The following ERVFRD-1 variants were observed in gnomAD, a reference collection of about 807,000 sequenced individuals.
ERVFRD-1 encodes the protein syncytin-2.
Under a neutral mutation model 43.8 loss-of-function variants are expected in ERVFRD-1, and 33 were observed. The observed-to-expected ratio is 0.75, with a 90% CI of 0.57 to 1.01. The LOEUF is 1.01. Among genes scored for constraint, ERVFRD-1 ranks in the 50% least tolerant of loss-of-function variants. The pLI is 0.00. For synonymous variants in ERVFRD-1, 239 were observed against 244.4 expected (o/e 0.98, Z 0.21); for missense variants, 568 against 658.4 (o/e 0.86, Z 1.50).
At chr6:11,109,090 A>G (rs1245782546) in intron 1 of ERVFRD-1, among the ~76,000 whole-genome samples, 1 of 152,170 alleles carries the variant, frequency 6.6e-6, no homozygotes, top group African/African-American at 2.4e-5. Context: ...CCCACAGGGT[A>G]GCCACCAGTG....
At position 11,103,702 on chromosome 6, in the gene ERVFRD-1, G is replaced by C. The variant is rs1758033668; in HGVS notation, c.1609C>G (p.Pro537Ala). ...CAGTCTAGGGGTCCTCCTTAGAAGG[G>C]TGACTCTTGAATATTGCGAGGATGG... ...GRHPRNIQES[P>A]F The change falls in exon 2 of 2, where the codon CCC becomes GCC. Residue 537 changes from proline (P) to alanine (A), a missense_variant. By Grantham distance (27) the Pro-to-Ala change is conservative. Coordinates refer to ENST00000472091, the MANE Select transcript of ERVFRD-1 (RefSeq NM_207582.3). 1 of 1,550,334 alleles carries C rather than the reference G, an allele frequency of 6.5e-7. No homozygotes were observed. The highest frequency in any genetic ancestry group is 1.2e-5 in the South Asian group (1 of 83,900).
At position 11,106,188 on chromosome 6, in the gene ERVFRD-1, G is replaced by A. The variant is rs112138170; in HGVS notation, c.-320-558C>T. Reference sequence around the variant, plus strand: ...TGAACTGAGGAATGAGTTCCTTTAGGAGGAATTTAGCTACCTCCTGTGCCT... The same window carrying A: ...TGAACTGAGGAATGAGTTCCTTTAGAAGGAATTTAGCTACCTCCTGTGCCT... On this transcript the variant is annotated intron_variant, in intron 1 of 1. Coordinates refer to ENST00000472091, the MANE Select transcript of ERVFRD-1 (RefSeq NM_207582.3). 5.2e-3 allele frequency among the ~76,000 whole-genome samples: 790 copies of A among 152,290 alleles called. 9 individuals carry two copies. Among genetic ancestry groups the A allele is most frequent in the African/African-American group, 0.018 (754 of 41,556 alleles).
Position 11,104,887 on chromosome 6 carries a change from T to G in ERVFRD-1, c.424A>C (p.Ser142Arg). 1 of 1,614,252 alleles carries G rather than the reference T, an allele frequency of 6.2e-7. No individual in the cohort carries two copies. Among genetic ancestry groups the G allele is most frequent in the Non-Finnish European group, 8.5e-7 (1 of 1,180,050 alleles). ...GTGAAAGTAACATTACAGACTGTAC[T>G]TGGAAGAGTGCCTACATTTGTTCCA... ...KNGTNVGTLP[S>R]TVCNVTFTVD... is the part of the protein sequence containing the mutation. Residue 142 changes from serine to arginine, a missense_variant, in exon 2 of 2, where the codon AGT (serine) becomes CGT (arginine). By Grantham distance (110) the Ser-to-Arg change is moderately radical. Transcript: ENST00000472091.
chr6:11,109,622 C>T (rs886584504), intron 1 of ERVFRD-1, among the ~76,000 whole-genome samples: 4 of 152,184 alleles, frequency 2.6e-5, no homozygotes, highest in Admixed American at 2.6e-4. Context: ...TCCATTTTCC[C>T]TGGTGGTAGC....
intron 1 of ERVFRD-1, among the ~76,000 whole-genome samples, chr6:11,108,223 C>T (rs1758115701): frequency 6.6e-6 from 1 of 152,212 alleles, no homozygotes; most frequent in South Asian, 2.1e-4. Flanking sequence ...CACTTCATAT[C>T]CTCCCAGGAG....
Position 11,103,788 on chromosome 6 carries a change from G to A in ERVFRD-1, c.1523C>T (p.Thr508Ile). ...CTGAAGGCGAGAGGAGACAAATTGGGTTATTAGATTTAGGAGACATGGACC... is the reference window on the plus strand; with the variant it reads ...CTGAAGGCGAGAGGAGACAAATTGGATTATTAGATTTAGGAGACATGGACC... ...LFGPCLLNLITQFVSSRLQAI... is the reference protein window; with the variant it reads ...LFGPCLLNLIIQFVSSRLQAI... Residue 508 changes from threonine (T) to isoleucine (I), a missense_variant, in exon 2 of 2, where the codon ACC (threonine) becomes ATC (isoleucine). Coordinates refer to ENST00000472091, the MANE Select transcript of ERVFRD-1 (RefSeq NM_207582.3). 2.6e-6 allele frequency: 4 copies of A among 1,551,676 alleles called. No homozygotes were observed. The highest frequency in any genetic ancestry group is 3.9e-5 in the Admixed American group (2 of 51,000).
At chr6:11,110,030 C>G (rs560771548) in intron 1 of ERVFRD-1, among the ~76,000 whole-genome samples, 2 of 152,168 alleles carry the variant, frequency 1.3e-5, no homozygotes, top group Non-Finnish European at 2.9e-5. Context: ...TTACCAGGTA[C>G]CCCTAACCTT....
In ERVFRD-1 at chr6:11,103,944, A is replaced by T; in HGVS notation, c.1367T>A (p.Leu456Gln). 1.3e-6 allele frequency: 2 copies of T among 1,551,696 alleles called. No individual in the cohort carries two copies. The highest frequency in any genetic ancestry group is 1.7e-6 in the Non-Finnish European group (2 of 1,146,992). The change falls in exon 2 of 2, where the codon CTA (leucine) becomes CAA (glutamine). Residue 456 changes from leucine (L) to glutamine (Q), a missense_variant. Coordinates refer to ENST00000472091, the MANE Select transcript of ERVFRD-1 (RefSeq NM_207582.3). ...GKVQDNIRQL[L>Q]NQASSLRERA... ...TTCCCGTAAACTGGAGGCTTGATTT[A>T]GGAGTTGTCTGATGTTGTCTTGTAC...
intron 1 of ERVFRD-1, among the ~76,000 whole-genome samples, chr6:11,106,878 T>C (rs1473469321): frequency 6.6e-6 from 1 of 152,226 alleles, no homozygotes; most frequent in African/African-American, 2.4e-5. Context: ...CTGGAGCTGT[T>C]AGGTACACCC....
At position 11,104,957 on chromosome 6, in the gene ERVFRD-1, G is replaced by A. The variant is rs1758061523; in HGVS notation, c.354C>T (p.Asn118=). ...CACAAATAGGGGCTATTCCCATTAG[G>A]TTGATATTAGTAAAGATGGGTCCGA... ...PIFGPIFTNI[N]LMGIAPICVM... The change falls in exon 2 of 2, where the codon AAC becomes AAT. Residue 118 remains asparagine (N), a synonymous_variant. Transcript: ENST00000472091. 1.9e-6 allele frequency: 3 copies of A among 1,614,052 alleles called. No homozygotes were observed. Among genetic ancestry groups the A allele is most frequent in the Non-Finnish European group, 1.7e-6 (2 of 1,180,036 alleles).
intron 1 of ERVFRD-1, among the ~76,000 whole-genome samples, chr6:11,106,492 G>C (rs1217425349): frequency 6.6e-6 from 1 of 152,254 alleles, no homozygotes; most frequent in African/African-American, 2.4e-5. Context: ...GCCTTAGACT[G>C]TCTCTTCTAA....
Position 11,103,265 on chromosome 6 carries a change from T to C in ERVFRD-1, c.*429A>G, listed in dbSNP as rs745368811. ...TGAGATCTTATCAGGAAGTGGCTGA[T>C]CACCAGCTTCAGGTGTTTCCTATCT... On this transcript the variant is annotated 3_prime_UTR_variant, in exon 2 of 2. Coordinates refer to ENST00000472091, the MANE Select transcript of ERVFRD-1 (RefSeq NM_207582.3). 1 of 166,910 alleles carries C rather than the reference T, an allele frequency of 6.0e-6. No homozygotes were observed. 10.3% of individuals were successfully genotyped at this position (166,910 alleles called of 1,614,324 possible).
rs1219467691 is a variant in ERVFRD-1, at chr6:11,104,181, G to A, written c.1130C>T (p.Ala377Val). The change falls in exon 2 of 2, where the codon GCT becomes GTT. Residue 377 changes from alanine (A) to valine (V), a missense_variant. Transcript: ENST00000472091. Reference protein sequence around the residue: ...TGTGIAGITKASLTYSQLSKE... With the variant: ...TGTGIAGITKVSLTYSQLSKE... ...TGAGAGCTGGCTATAGGTGAGGGAA[G>A]CTTTTGTGATTCCAGCAATTCCGGT... is the stretch of plus-strand genomic sequence containing the variant. 1.3e-6 allele frequency: 2 copies of A among 1,551,728 alleles called. No individual in the cohort carries two copies. Among genetic ancestry groups the A allele is most frequent in the Admixed American group, 2.0e-5 (1 of 51,006 alleles).
At position 11,104,861 on chromosome 6, in the gene ERVFRD-1, A is replaced by G. The variant is rs144698959; in HGVS notation, c.450T>C (p.Thr150=). ...LPSTVCNVTF[T]VDSNQQTYQT... is the part of the protein sequence containing the mutation. The stretch of plus-strand genomic sequence containing the variant: ...GGTAAGTCTGTTGGTTAGAATCTAC[A>G]GTGAAAGTAACATTACAGACTGTAC... Residue 150 remains threonine (T), a synonymous_variant, in exon 2 of 2, where the codon ACT becomes ACC. Coordinates refer to ENST00000472091, the MANE Select transcript of ERVFRD-1 (RefSeq NM_207582.3). The G allele has an allele frequency of 1.2e-6, 2 of 1,614,124 alleles. No individual in the cohort carries two copies. The highest frequency in any genetic ancestry group is 8.5e-7 in the Non-Finnish European group (1 of 1,180,056).
Position 11,105,341 on chromosome 6 carries a change from A to G in ERVFRD-1, c.-31T>C, listed in dbSNP as rs767094598. On this transcript the variant is annotated 5_prime_UTR_variant, in exon 2 of 2. Transcript: ENST00000472091. ...CCTAAGAGAAACTGGTCACAAAACG[A>G]GCTGCCAATGGAACTCCTGGTGGTG... The G allele has an allele frequency of 1.9e-6, 3 of 1,542,616 alleles. No homozygotes were observed. Among genetic ancestry groups the G allele is most frequent in the Non-Finnish European group, 2.7e-6 (3 of 1,127,110 alleles).
Position 11,105,213 on chromosome 6 carries a change from T to C in ERVFRD-1, c.98A>G (p.Gln33Arg), listed in dbSNP as rs923990052. Residue 33 changes from glutamine (Q) to arginine (R), a missense_variant, in exon 2 of 2, where the codon CAA becomes CGA. Gln to Arg is a conservative substitution (Grantham distance 43). Transcript: ENST00000472091. Reference protein sequence around the residue: ...PLLEKAQQLLQSTGSPYSTNC... With the variant: ...PLLEKAQQLLRSTGSPYSTNC... ...GGTGGAGTAAGGGGATCCTGTACTT[T>C]GGAGCAGTTGCTGAGCTTTTTCCAA... 5.0e-6 allele frequency: 8 copies of C among 1,614,066 alleles called. No individual in the cohort carries two copies. Among genetic ancestry groups the C allele is most frequent in the South Asian group, 2.2e-5 (2 of 91,088 alleles).
At chr6:11,110,902 A>G (rs982624875) in intron 1 of ERVFRD-1, among the ~76,000 whole-genome samples, 2 of 152,210 alleles carry the variant, frequency 1.3e-5, no homozygotes, top group African/African-American at 4.8e-5. Flanking sequence ...CTTAAGGGCT[A>G]CAGAGTGAGG....
chr6:11,108,812 GA>G (rs1758126792), intron 1 of ERVFRD-1, among the ~76,000 whole-genome samples: 2 of 152,298 alleles, frequency 1.3e-5, no homozygotes, highest in African/African-American at 4.8e-5. Flanking sequence ...TTGAGTTAGG[GA>G]AATGATCCTT....
intron 1 of ERVFRD-1, among the ~76,000 whole-genome samples, chr6:11,107,032 CT>C (rs1298905071): frequency 1.3e-5 from 2 of 152,186 alleles, no homozygotes; most frequent in Non-Finnish European, 2.9e-5. Flanking sequence ...GGGGACAGAG[CT>C]TTAACCTCTG....
Sources: allele counts gnomAD v4.1 joint callset (sites outside exome capture counted in the v4.1 genomes callset), GRCh38; gene constraint gnomAD v4.1.1; transcripts MANE v1.5; gene names NCBI Gene and HGNC (gene_info 2026-07-23, HGNC 2026-07-21).